Variants in SLC7A14 observed in about 807,000 individuals in gnomAD.
SLC7A14 encodes gamma-aminobutyric acid transporter SLC7A14.
In SLC7A14, 37 loss-of-function variants were observed where a neutral mutation model predicts 60.2. The observed-to-expected ratio is 0.61, with a 90% CI of 0.47 to 0.81. The LOEUF is 0.81. Ranked by LOEUF, SLC7A14 falls within the 30% of genes least tolerant of loss-of-function variation. SLC7A14 has a pLI of 0.00. For synonymous variants in SLC7A14, 399 were observed against 395.8 expected, an observed-to-expected ratio of 1.01 and a Z score of -0.10; for missense variants, 886 against 982.7, an observed-to-expected ratio of 0.90 and a Z score of 1.32.
At chr3:170,525,794 C>G (rs1183443398) in intron 2 of SLC7A14, among the ~76,000 whole-genome samples, 1 of 152,274 alleles carries the variant, frequency 6.6e-6, no homozygotes, top group East Asian at 1.9e-4. Flanking sequence ...GAGGTTCACG[C>G]CTGTTATCTC....
At chr3:170,468,992 C>T (rs1334238337) in intron 7 of SLC7A14, among the ~76,000 whole-genome samples, 1 of 152,240 alleles carries the variant, frequency 6.6e-6, no homozygotes, top group Non-Finnish European at 1.5e-5. Context: ...TAAAACTCCA[C>T]AGGTGATTCC....
chr3:170,530,954 A>C (rs981818731), intron 1 of SLC7A14, among the ~76,000 whole-genome samples: 1 of 152,168 alleles, frequency 6.6e-6, no homozygotes, highest in Non-Finnish European at 1.5e-5. Flanking sequence ...GGGGTGGTGA[A>C]TGGTTTCCCA....
At chr3:170,522,654 A>G (rs1172118972) in intron 2 of SLC7A14, among the ~76,000 whole-genome samples, 1 of 152,230 alleles carries the variant, frequency 6.6e-6, no homozygotes, top group East Asian at 1.9e-4. Context: ...GGGATTAACT[A>G]CAAAGAGGCA....
In SLC7A14 at chr3:170,483,407, C is replaced by A; in HGVS notation, c.1022G>T (p.Gly341Val). ...FYAAKFVVAIGSVAGLTVSLL... is the reference protein window; with the variant it reads ...FYAAKFVVAIVSVAGLTVSLL... Reference sequence around the variant, plus strand: ...GCTGACTGTCAGTCCTGCAACCGACCCAATGGCCACTACGAATTTGGCAGC... The same window carrying A: ...GCTGACTGTCAGTCCTGCAACCGACACAATGGCCACTACGAATTTGGCAGC... Residue 341 changes from glycine (G) to valine (V), a missense_variant, in exon 6 of 8, where the codon GGG (glycine) becomes GTG (valine). Gly to Val is a moderately radical substitution (Grantham distance 109, BLOSUM62 -3). Coordinates refer to ENST00000231706, the MANE Select transcript of SLC7A14 (RefSeq NM_020949.3). 6.2e-7 allele frequency: 1 copy of A among 1,614,190 alleles called. No individual in the cohort carries two copies. Among genetic ancestry groups the A allele is most frequent in the South Asian group, 1.1e-5 (1 of 91,082 alleles).
chr3:170,564,198 A>C (rs1714735029), intron 1 of SLC7A14, among the ~76,000 whole-genome samples: 1 of 152,090 alleles, frequency 6.6e-6, no homozygotes, highest in Non-Finnish European at 1.5e-5. Context: ...ACCAGTGGGG[A>C]ATTGCAGTCA....
At chr3:170,490,983 C>T (rs927664320) in intron 4 of SLC7A14, among the ~76,000 whole-genome samples, 9 of 152,072 alleles carry the variant, frequency 5.9e-5, no homozygotes, top group African/African-American at 2.2e-4. Context: ...GCACAAACTC[C>T]TCCTCCTTCT....
At chr3:170,520,697 G>A (rs1410680876) in intron 2 of SLC7A14, among the ~76,000 whole-genome samples, 1 of 152,166 alleles carries the variant, frequency 6.6e-6, no homozygotes, top group Non-Finnish European at 1.5e-5. Context: ...GGCTTGAAGG[G>A]TTATTATAGA....
chr3:170,479,487 G>T (rs914635916), intron 7 of SLC7A14, among the ~76,000 whole-genome samples: 1 of 152,170 alleles, frequency 6.6e-6, no homozygotes, highest in African/African-American at 2.4e-5. Flanking sequence ...GGATCACAAA[G>T]TAAAATTAGA....
intron 3 of SLC7A14, among the ~76,000 whole-genome samples, chr3:170,500,521 G>A (rs1468279240): frequency 6.6e-6 from 1 of 150,566 alleles, no homozygotes; most frequent in East Asian, 1.9e-4. Flanking sequence ...TGTTACACGA[G>A]CTTCTGATGG....
intron 2 of SLC7A14, among the ~76,000 whole-genome samples, chr3:170,508,205 T>C (rs1430159749): frequency 1.3e-5 from 2 of 152,154 alleles, no homozygotes; most frequent in African/African-American, 4.8e-5. Context: ...TATAGTATCA[T>C]GGAGGAAACA....
chr3:170,500,474 G>T (rs1343216220), intron 3 of SLC7A14, among the ~76,000 whole-genome samples: 3 of 148,800 alleles, frequency 2.0e-5, no homozygotes, highest in Admixed American at 6.7e-5. Flanking sequence ...AGGAGTGGAT[G>T]GCAAATGATG....
At chr3:170,554,035 G>T (rs1448792148) in intron 1 of SLC7A14, among the ~76,000 whole-genome samples, 1 of 152,060 alleles carries the variant, frequency 6.6e-6, no homozygotes, top group African/African-American at 2.4e-5. Flanking sequence ...ATTTCCAGTA[G>T]CTTTGTTTCT....
intron 1 of SLC7A14, among the ~76,000 whole-genome samples, chr3:170,556,813 C>G (rs1314514540): frequency 6.6e-6 from 1 of 152,174 alleles, no homozygotes; most frequent in Non-Finnish European, 1.5e-5. Context: ...TAGACAGACA[C>G]AGACACACTG....
In SLC7A14 at chr3:170,495,819, C is replaced by G. The variant is rs1318729991; in HGVS notation, c.759+2848G>C. ...GCTGGAGACCAAGTGGAGCCTCCTG[C>G]AGCAGCAGAAGATGGCTCGGATCAA... On this transcript the variant is annotated intron_variant, in intron 4 of 7. Transcript: ENST00000231706. 3.5e-6 allele frequency: 4 copies of G among 1,133,508 alleles called. No individual in the cohort carries two copies. The East Asian group carries it at 9.4e-5, about 27-fold the overall frequency. The allele number at this position is 1,133,508 out of a possible 1,614,324, so 70.2% of individuals were successfully genotyped here. A position where few individuals can be genotyped will look rare whatever the true frequency, so the allele number is the denominator to read the frequency against.
chr3:170,483,587 C>T (rs1002423294), intron 5 of SLC7A14, 65 bp from the exon 6 acceptor site: 29 of 1,570,710 alleles, frequency 1.8e-5, no homozygotes, highest in African/African-American at 5.4e-5. Flanking sequence ...AGAGGCCCCA[C>T]GGGAGAGGAA....
intron 1 of SLC7A14, among the ~76,000 whole-genome samples, chr3:170,566,922 G>A (rs1226082203): frequency 1.3e-5 from 2 of 151,994 alleles, no homozygotes; most frequent in Non-Finnish European, 2.9e-5. Context: ...CACCCTGAGA[G>A]ATATGATGCA....
intron 2 of SLC7A14, among the ~76,000 whole-genome samples, chr3:170,525,508 G>A (rs2108293016): frequency 6.6e-6 from 1 of 152,318 alleles, no homozygotes; most frequent in East Asian, 1.9e-4. Flanking sequence ...CTCCTGGCCT[G>A]GCTTCCTTCT....
intron 2 of SLC7A14, among the ~76,000 whole-genome samples, chr3:170,508,814 A>G (rs1221541356): frequency 6.6e-6 from 1 of 152,204 alleles, no homozygotes; most frequent in African/African-American, 2.4e-5. Context: ...GGAGTGGGGT[A>G]TGAAGAGAAA....
At chr3:170,517,999 A>T (rs1312969233) in intron 2 of SLC7A14, among the ~76,000 whole-genome samples, 1 of 152,228 alleles carries the variant, frequency 6.6e-6, no homozygotes, top group Non-Finnish European at 1.5e-5. Context: ...GATCTCAGAG[A>T]TAGCTCGCTG....
Sources: gnomAD v4.1 joint callset for allele counts (sites outside exome capture counted in the v4.1 genomes callset) on GRCh38, gnomAD v4.1.1 for gene constraint, MANE v1.5 for transcripts, NCBI Gene and HGNC (gene_info 2026-07-23, HGNC 2026-07-21) for gene names.